The following RIC1 variants were observed in gnomAD, a reference collection of about 807,000 sequenced individuals.
RIC1 encodes the protein RIC1 partner of RAB6A GEF complex, also known as guanine nucleotide exchange factor subunit RIC1.
Under a neutral mutation model 169.0 loss-of-function variants are expected in RIC1, and 88 were observed. The ratio of observed to expected loss-of-function variants is 0.52; its 90% CI spans 0.44 to 0.62. The LOEUF (loss-of-function observed/expected upper bound fraction) is 0.62, where lower values mean the gene tolerates loss of function less well. Ranked by LOEUF, RIC1 falls within the 20% of genes least tolerant of loss-of-function variation. RIC1 has a pLI of 0.00. For synonymous variants in RIC1, 790 were observed against 601.5 expected, an observed-to-expected ratio of 1.31 and a Z score of -4.59; for missense variants, 1,877 against 1,725.5, an observed-to-expected ratio of 1.09 and a Z score of -1.56.
At chr9:5,716,971 C>T (rs748139856) in intron 4 of RIC1, among the ~76,000 whole-genome samples, 9 of 152,188 alleles carry the variant, frequency 5.9e-5, no homozygotes, top group Non-Finnish European at 1.0e-4. Flanking sequence ...ACGCCTGGCT[C>T]AGCCTTTGTT....
intron 3 of RIC1, among the ~76,000 whole-genome samples, chr9:5,702,136 C>G (rs1203637019): frequency 6.6e-6 from 1 of 152,088 alleles, no homozygotes; most frequent in African/African-American, 2.4e-5. Context: ...CAGATAATAT[C>G]AAATATACTG....
intron 2 of RIC1, among the ~76,000 whole-genome samples, chr9:5,672,672 G>C (rs114443241): frequency 2.0e-5 from 3 of 152,302 alleles, no homozygotes; most frequent in South Asian, 2.1e-4. Flanking sequence ...AACTTACCTA[G>C]TTTAGAAACA....
At chr9:5,688,530 C>G (rs952942313) in intron 2 of RIC1, among the ~76,000 whole-genome samples, 1 of 152,114 alleles carries the variant, frequency 6.6e-6, no homozygotes, top group African/African-American at 2.4e-5. Flanking sequence ...TCCATACTCT[C>G]CATATTGCAA....
chr9:5,773,157 T>C lies in RIC1; in HGVS notation c.3983+77T>C, dbSNP rs75905321. The C allele has an allele frequency of 2.5e-3, 1,744 of 702,374 alleles. 32 individuals carry two copies. In the African/African-American group the frequency reaches 0.029, roughly 12 times the overall value. The allele number at this position is 702,374 out of a possible 1,614,324, so 43.5% of individuals were successfully genotyped here. ...CCTGTCCTTTCACATTAAGGCCTAG[T>C]TATGGTTCATGTGTTACATTTTATT... is the stretch of plus-strand genomic sequence containing the variant. On this transcript the variant is annotated intron_variant, in intron 25 of 25. Transcript: ENST00000414202.
intron 1 of RIC1, 85 bp downstream of exon 1, chr9:5,629,538 G>A: frequency 1.4e-6 from 2 of 1,406,664 alleles, no homozygotes; most frequent in Non-Finnish European, 1.9e-6. Context: ...CCAGAGCCTA[G>A]GACTCCTGCC....
intron 3 of RIC1, among the ~76,000 whole-genome samples, chr9:5,702,968 G>A (rs1012955355): frequency 6.6e-6 from 1 of 152,152 alleles, no homozygotes; most frequent in African/African-American, 2.4e-5. Flanking sequence ...CAACGTTGGG[G>A]ATTACAATTT....
At chr9:5,655,864 TG>T (rs1345371040) in intron 1 of RIC1, among the ~76,000 whole-genome samples, 4 of 151,940 alleles carry the variant, frequency 2.6e-5, no homozygotes, top group Non-Finnish European at 5.9e-5. Flanking sequence ...TGATCTGTAG[TG>T]TTTTTTTGTT....
intron 6 of RIC1, among the ~76,000 whole-genome samples, chr9:5,725,850 T>G (rs556547579): frequency 1.1e-3 from 171 of 152,268 alleles, no homozygotes; most frequent in Non-Finnish European, 2.1e-3. Context: ...TTGTTCAGTT[T>G]CATGTAGTTG....
Position 5,701,526 on chromosome 9 carries a change from G to T in RIC1, c.332+11488G>T, listed in dbSNP as rs1731969211. On this transcript the variant is annotated intron_variant, in intron 3 of 25. Coordinates refer to ENST00000414202, the MANE Select transcript of RIC1 (RefSeq NM_020829.4). Reference sequence around the variant, plus strand: ...AAGCAAATTGCTTGAACTGGGAGGTGGACATTGCAGTTTGCCGAGATTGCA... The same window carrying T: ...AAGCAAATTGCTTGAACTGGGAGGTTGACATTGCAGTTTGCCGAGATTGCA... Among the ~76,000 whole-genome samples, 4 of 151,500 alleles carry T rather than the reference G, an allele frequency of 2.6e-5. No individual in the cohort carries two copies. In the South Asian group the frequency reaches 8.3e-4, roughly 32 times the overall value.
chr9:5,709,918 G>A (rs1441752209), intron 3 of RIC1, among the ~76,000 whole-genome samples: 2 of 152,080 alleles, frequency 1.3e-5, no homozygotes, highest in African/African-American at 4.8e-5. Flanking sequence ...TAATAAATGA[G>A]AATATTCATA....
At chr9:5,722,226 G>A (rs1823641868) in intron 6 of RIC1, among the ~76,000 whole-genome samples, 1 of 140,288 alleles carries the variant, frequency 7.1e-6, no homozygotes, top group Non-Finnish European at 1.5e-5. Context: ...TTTTTCCACA[G>A]TACCACAAAA....
intron 4 of RIC1, 52 bp from the exon 5 acceptor site, chr9:5,720,130 C>T: frequency 1.4e-6 from 2 of 1,452,374 alleles, no homozygotes; most frequent in East Asian, 2.3e-5. Flanking sequence ...AATATTCATA[C>T]ACATTGCTTT....
At chr9:5,724,008 G>T (rs1042568016) in intron 6 of RIC1, among the ~76,000 whole-genome samples, 4 of 151,998 alleles carry the variant, frequency 2.6e-5, no homozygotes, top group African/African-American at 7.2e-5. Context: ...CTCCAGCTTT[G>T]TTCTTTTGGC....
chr9:5,697,626 G>A lies in RIC1; in HGVS notation c.332+7588G>A, dbSNP rs979532771. 3.3e-5 allele frequency among the ~76,000 whole-genome samples: 5 copies of A among 152,240 alleles called. No individual in the cohort carries two copies. The East Asian group carries it at 7.7e-4, about 23-fold the overall frequency. ...GTAAACAATGATGAATGCAAATGAT[G>A]AAATATGAGGCCTGGAGTTTTAGGA... On this transcript the variant is annotated intron_variant, in intron 3 of 25. Coordinates refer to ENST00000414202, the MANE Select transcript of RIC1 (RefSeq NM_020829.4).
intron 4 of RIC1, among the ~76,000 whole-genome samples, chr9:5,716,668 G>A (rs778335398): frequency 3.3e-5 from 5 of 152,156 alleles, no homozygotes; most frequent in Admixed American, 6.5e-5. Context: ...ATTAGTTATC[G>A]AACAGGGTTC....
chr9:5,664,181 G>C (rs998283167), intron 2 of RIC1, among the ~76,000 whole-genome samples: 55 of 151,856 alleles, frequency 3.6e-4, no homozygotes, highest in African/African-American at 1.2e-3. Flanking sequence ...AGGCCAAGGC[G>C]GGCGGATAAC....
intron 4 of RIC1, among the ~76,000 whole-genome samples, chr9:5,717,916 G>A (rs575673145): frequency 1.1e-4 from 17 of 151,406 alleles, no homozygotes; most frequent in African/African-American, 3.9e-4. Context: ...AAGGTGGGTC[G>A]ATCACCTGAG....
At chr9:5,639,095 C>G (rs1216646971) in intron 1 of RIC1, among the ~76,000 whole-genome samples, 1 of 152,094 alleles carries the variant, frequency 6.6e-6, no homozygotes, top group Non-Finnish European at 1.5e-5. Context: ...TTTGTAGAGA[C>G]AGGATTTCAC....
chr9:5,723,741 T>C (rs1417008635), intron 6 of RIC1, among the ~76,000 whole-genome samples: 1 of 152,218 alleles, frequency 6.6e-6, no homozygotes, highest in Admixed American at 6.5e-5. Context: ...TTGTATAAGG[T>C]GTAAGGAAAG....
Sources: allele counts gnomAD v4.1 joint callset (sites outside exome capture counted in the v4.1 genomes callset), GRCh38; gene constraint gnomAD v4.1.1; transcripts MANE v1.5; gene names NCBI Gene and HGNC (gene_info 2026-07-23, HGNC 2026-07-21).